The following WASHC4 variants were observed in gnomAD, a reference collection of about 807,000 sequenced individuals.
WASHC4 encodes WASH complex subunit 4.
Under a neutral mutation model 166.6 loss-of-function variants are expected in WASHC4, and 86 were observed. That is an observed-to-expected ratio of 0.52 (90% CI 0.43 to 0.62). The LOEUF (loss-of-function observed/expected upper bound fraction) is 0.62, where lower values mean the gene tolerates loss of function less well. WASHC4 is among the 20% of genes least tolerant of loss of function. The probability of loss-of-function intolerance (pLI) is 0.00; values close to 1 mark genes in which losing one functional copy is unlikely to be tolerated. For synonymous variants in WASHC4, 446 were observed against 451.6 expected (o/e 0.99, Z 0.16); for missense variants, 1,262 against 1,382.4 (o/e 0.91, Z 1.38).
At chr12:105,111,590 C>T (rs1293431417) in intron 2 of WASHC4, among the ~76,000 whole-genome samples, 2 of 152,090 alleles carry the variant, frequency 1.3e-5, no homozygotes, top group African/African-American at 4.8e-5. Context: ...TTGATTGAGA[C>T]TATTTTACAT....
intron 2 of WASHC4, 68 bp downstream of exon 2, chr12:105,111,332 T>A: frequency 9.7e-7 from 1 of 1,036,004 alleles, no homozygotes; most frequent in Non-Finnish European, 1.4e-6. Context: ...AAAACATAAT[T>A]TTTTAAAATG....
intron 4 of WASHC4, 88 bp downstream of exon 4, chr12:105,114,515 T>C (rs1879993708): frequency 1.2e-6 from 1 of 861,436 alleles, no homozygotes; most frequent in Non-Finnish European, 1.9e-6. Flanking sequence ...GCAATAAATA[T>C]TTATTGAATG....
In WASHC4 at chr12:105,118,955, G is replaced by T. The variant is rs746517778; in HGVS notation, c.518+427G>T. Among the ~76,000 whole-genome samples, 78 of 152,216 alleles carry T rather than the reference G, an allele frequency of 5.1e-4. 1 individual carries two copies. Among genetic ancestry groups the T allele is most frequent in the Non-Finnish European group, 8.2e-4 (56 of 68,014 alleles). On this transcript the variant is annotated intron_variant, in intron 7 of 32. Coordinates refer to ENST00000332180, the MANE Select transcript of WASHC4 (RefSeq NM_015275.3). ...AATTTTGTGAGTAGTTCTAATGGTCGTAAATATACCCAGTAAAATATACCT... is the reference window on the plus strand; with the variant it reads ...AATTTTGTGAGTAGTTCTAATGGTCTTAAATATACCCAGTAAAATATACCT...
At chr12:105,156,418 T>C (rs1178046002) in intron 26 of WASHC4, 3 of 166,832 alleles carry the variant, frequency 1.8e-5, no homozygotes, top group Non-Finnish European at 3.8e-5. Context: ...GGAGAAATTA[T>C]TGATATTATA....
intron 1 of WASHC4, among the ~76,000 whole-genome samples, chr12:105,109,705 GGCATC>G (rs1879472995): frequency 7.0e-6 from 1 of 143,360 alleles, no homozygotes. Context: ...CCAGTGCCGT[GGCATC>G]GCCACGGCTC....
chr12:105,127,573 C>G (rs1211175954), intron 13 of WASHC4, among the ~76,000 whole-genome samples: 1 of 152,112 alleles, frequency 6.6e-6, no homozygotes, highest in Non-Finnish European at 1.5e-5. Flanking sequence ...CAAATGAAGT[C>G]TCAGATTTTG....
chr12:105,112,272 T>C (rs1879766239), intron 2 of WASHC4, among the ~76,000 whole-genome samples: 1 of 152,226 alleles, frequency 6.6e-6, no homozygotes, highest in Non-Finnish European at 1.5e-5. Context: ...TTGTAAGGAA[T>C]GGATAACCAC....
In WASHC4 at chr12:105,146,488, A is replaced by G. The variant is rs748846086; in HGVS notation, c.2371A>G (p.Ile791Val). Residue 791 changes from isoleucine to valine, a missense_variant, in exon 23 of 33, where the codon ATA (isoleucine) becomes GTA (valine). Transcript: ENST00000332180. The stretch of plus-strand genomic sequence containing the variant: ...TTTAGAAATTATGAGAAACATTCAT[A>G]TATTTGTGTCCCGATACCTCTATAA... ...DVLEIMRNIH[I>V]FVSRYLYNLN... The G allele has an allele frequency of 1.6e-5, 25 of 1,603,454 alleles. No individual in the cohort carries two copies. Among genetic ancestry groups the G allele is most frequent in the Admixed American group, 3.3e-5 (2 of 59,978 alleles).
chr12:105,144,541 T>A, intron 21 of WASHC4, 86 bp downstream of exon 21: 1 of 1,311,498 alleles, frequency 7.6e-7, no homozygotes, highest in Non-Finnish European at 1.1e-6. Context: ...TGAGGGTATA[T>A]TTAAATTTTG....
intron 32 of WASHC4, among the ~76,000 whole-genome samples, chr12:105,165,161 C>T (rs1032436476): frequency 3.3e-5 from 5 of 152,180 alleles, no homozygotes; most frequent in Non-Finnish European, 7.4e-5. Context: ...ATCATAGGGG[C>T]TATTTAGTTG....
At chr12:105,162,418 C>A (rs904655850) in intron 29 of WASHC4, among the ~76,000 whole-genome samples, 4 of 152,174 alleles carry the variant, frequency 2.6e-5, no homozygotes, top group Non-Finnish European at 5.9e-5. Flanking sequence ...GATAATAAAT[C>A]TCCCAAGCCT....
intron 13 of WASHC4, among the ~76,000 whole-genome samples, chr12:105,131,749 C>A (rs1881844004): frequency 6.6e-6 from 1 of 152,178 alleles, no homozygotes; most frequent in Non-Finnish European, 1.5e-5. Context: ...AAAAAGGAAT[C>A]ATTCATAAGT....
chr12:105,160,137 G>A lies in WASHC4; in HGVS notation c.3049G>A (p.Val1017Ile). ...ACATCTCCGAAATTTCTATATAATT[G>A]TTCCCCCTCTGGTGAGTATTTCCAG... ...NIHLRNFYIIVPPLTLNFVEH... is the reference protein window; with the variant it reads ...NIHLRNFYIIIPPLTLNFVEH... Residue 1017 changes from valine to isoleucine, a missense_variant, in exon 29 of 33, where the codon GTT becomes ATT. Val to Ile is a conservative substitution (Grantham distance 29). Transcript: ENST00000332180. The A allele has an allele frequency of 1.9e-6, 3 of 1,613,512 alleles. No homozygotes were observed. Among genetic ancestry groups the A allele is most frequent in the Non-Finnish European group, 2.5e-6 (3 of 1,179,614 alleles).
intron 29 of WASHC4, among the ~76,000 whole-genome samples, chr12:105,160,675 A>T (rs973290249): frequency 6.6e-6 from 1 of 152,120 alleles, no homozygotes; most frequent in African/African-American, 2.4e-5. Context: ...TATTTTTTTT[A>T]AATAATTACT....
chr12:105,143,486 T>TA (rs756930907), intron 20 of WASHC4, among the ~76,000 whole-genome samples: 4 of 152,036 alleles, frequency 2.6e-5, no homozygotes, highest in Non-Finnish European at 5.9e-5. Context: ...TATTTTAATT[T>TA]AAAGTTGTTT....
intron 2 of WASHC4, among the ~76,000 whole-genome samples, chr12:105,113,203 C>T (rs889642581): frequency 2.0e-5 from 3 of 152,148 alleles, no homozygotes; most frequent in Non-Finnish European, 2.9e-5. Context: ...ATATATCTGT[C>T]ACTTGGCATT....
intron 13 of WASHC4, among the ~76,000 whole-genome samples, chr12:105,133,456 AT>A: frequency 6.6e-6 from 1 of 151,936 alleles, no homozygotes; most frequent in Non-Finnish European, 1.5e-5. Context: ...GTATCTTTTA[AT>A]TAATTTAAAA....
intron 25 of WASHC4, among the ~76,000 whole-genome samples, chr12:105,150,524 C>T (rs1432500311): frequency 6.6e-6 from 1 of 152,172 alleles, no homozygotes; most frequent in African/African-American, 2.4e-5. Context: ...GTGGCTCATG[C>T]CTGTAATCCA....
rs1030790955 is a variant in WASHC4, at chr12:105,133,706, A to G, written c.1200-64A>G. ...TGCTGCAGGGAAATAATGTACTGCAATCAGTATCAAGAAATGGAAGTAAAT... is the reference window on the plus strand; with the variant it reads ...TGCTGCAGGGAAATAATGTACTGCAGTCAGTATCAAGAAATGGAAGTAAAT... On this transcript the variant is annotated intron_variant, in intron 13 of 32. Coordinates refer to ENST00000332180, the MANE Select transcript of WASHC4 (RefSeq NM_015275.3). 6.0e-6 allele frequency: 8 copies of G among 1,340,488 alleles called. No individual in the cohort carries two copies. In the African/African-American group the frequency reaches 1.0e-4, roughly 17 times the overall value. The allele number at this position is 1,340,488 out of a possible 1,614,324, so 83.0% of individuals were successfully genotyped here.
Sources: allele counts gnomAD v4.1 joint callset (sites outside exome capture counted in the v4.1 genomes callset), GRCh38; gene constraint gnomAD v4.1.1; transcripts MANE v1.5; gene names NCBI Gene and HGNC (gene_info 2026-07-23, HGNC 2026-07-21).